The following TKT variants were observed in gnomAD, a reference collection of about 807,000 sequenced individuals.
The protein encoded by TKT is epididymis luminal protein 107.
Under a neutral mutation model 63.9 loss-of-function variants are expected in TKT, and 47 were observed. That is an observed-to-expected ratio of 0.74 (90% confidence interval 0.58 to 0.94). The LOEUF is 0.94. Ranked by LOEUF, TKT falls within the 40% of genes least tolerant of loss-of-function variation. The pLI, the probability that TKT is intolerant of heterozygous loss-of-function variation, is 0.00. For synonymous variants in TKT, 338 were observed against 334.1 expected, an observed-to-expected ratio of 1.01 and a Z score of -0.13; for missense variants, 721 against 846.2, an observed-to-expected ratio of 0.85 and a Z score of 1.84.
intron 13 of TKT, 152 bp from the exon 14 acceptor site, chr3:53,226,083 A>AT (rs748661882): frequency 6.4e-6 from 4 of 625,566 alleles, no homozygotes; most frequent in African/African-American, 1.9e-5. Flanking sequence ...TAACTCATTG[A>AT]TTTTTTTTAT....
At chr3:53,241,965 C>G in intron 2 of TKT, 160 bp downstream of exon 2, 1 of 683,032 alleles carries the variant, frequency 1.5e-6, no homozygotes, top group South Asian at 1.7e-5. Context: ...TGGGTCAGCA[C>G]AGAGCAGGAC....
At chr3:53,233,551 C>CTCTT in intron 5 of TKT, 1 of 336,428 alleles carries the variant, frequency 3.0e-6, no homozygotes. Context: ...CCTTTATTGT[C>CTCTT]TCTTTCATTC....
At chr3:53,235,294 G>T in intron 4 of TKT, 120 bp from the exon 5 acceptor site, 1 of 925,082 alleles carries the variant, frequency 1.1e-6, no homozygotes, top group Non-Finnish European at 1.5e-6. Flanking sequence ...TGGATATGCA[G>T]AACAGATGGC....
In TKT at chr3:53,229,089, C is replaced by G. The variant is rs140199324; in HGVS notation, c.1313G>C (p.Arg438Pro). The change falls in exon 10 of 14, where the codon CGG becomes CCG. Residue 438 changes from arginine (R) to proline (P), a missense_variant. Transcript: ENST00000462138. ...QMALEDLAMF[R>P]SVPTSTVFYP... is the part of the protein sequence containing the mutation. ...AAAGACAGTTGATGTGGGGACTGAC[C>G]GAAACATAGCCAGATCTTCTAGGGC... 6.2e-7 allele frequency: 1 copy of G among 1,614,128 alleles called. No individual in the cohort carries two copies. The highest frequency in any genetic ancestry group is 8.5e-7 in the Non-Finnish European group (1 of 1,180,014).
Position 53,225,878 on chromosome 3 carries a change from C to G in TKT, c.1750G>C (p.Val584Leu), listed in dbSNP as rs1553675368. The change falls in exon 14 of 14, where the codon GTC becomes CTC. Residue 584 changes from valine to leucine, a missense_variant. Coordinates refer to ENST00000462138, the MANE Select transcript of TKT (RefSeq NM_001064.4). ...SAVVGEPGITVTHLAVNRVPR... is the reference protein window; with the variant it reads ...SAVVGEPGITLTHLAVNRVPR... Reference sequence around the variant, plus strand: ...ACCCGGTTAACTGCCAGGTGGGTGACAGTGATGCCAGGCTCGCCCACTACT... The same window carrying G: ...ACCCGGTTAACTGCCAGGTGGGTGAGAGTGATGCCAGGCTCGCCCACTACT... The G allele has an allele frequency of 6.8e-6, 11 of 1,614,006 alleles. No homozygotes were observed. Among genetic ancestry groups the G allele is most frequent in the Non-Finnish European group, 8.5e-6 (10 of 1,180,008 alleles).
chr3:53,235,058 T>C lies in TKT; in HGVS notation c.554A>G (p.Asn185Ser), dbSNP rs375344024. The C allele has an allele frequency of 1.9e-5, 30 of 1,613,896 alleles. No homozygotes were observed. The highest frequency in any genetic ancestry group is 1.6e-4 in the Middle Eastern group (1 of 6,084). Residue 185 changes from asparagine to serine, a missense_variant, in exon 5 of 14, where the codon AAT becomes AGT. Asn to Ser is a conservative substitution (Grantham distance 46). Transcript: ENST00000462138. ...GGCCGGGTCACTCTGGCCCAGGCGA[T>C]TGATGTCTAGAATGGCCACAAGGTT... ...LDNLVAILDINRLGQSDPAPL... is the reference protein window; with the variant it reads ...LDNLVAILDISRLGQSDPAPL...
chr3:53,226,181 A>C, intron 13 of TKT: 1 of 416,474 alleles, frequency 2.4e-6, no homozygotes, highest in Admixed American at 4.0e-5. Context: ...CAGCCTCCCA[A>C]AGTGCTGGGA....
At chr3:53,241,360 T>C (rs1705267342) in intron 2 of TKT, 115 bp from the exon 3 acceptor site, 2 of 831,920 alleles carry the variant, frequency 2.4e-6, no homozygotes, top group Non-Finnish European at 3.6e-6. Context: ...GCAGCATCCA[T>C]TTCAGGGGAG....
intron 5 of TKT, chr3:53,233,965 G>A (rs532469197): frequency 1.3e-5 from 2 of 152,366 alleles, no homozygotes; most frequent in Admixed American, 1.3e-4. Flanking sequence ...AGTAAGTAAC[G>A]TGACCCACGC....
chr3:53,230,377 G>A, intron 8 of TKT, 80 bp downstream of exon 8: 3 of 1,580,448 alleles, frequency 1.9e-6, no homozygotes, highest in Admixed American at 3.4e-5. Context: ...ACCTGGCTCT[G>A]CCAACATGGC....
intron 1 of TKT, among the ~76,000 whole-genome samples, chr3:53,248,701 A>G (rs1281672257): frequency 6.6e-6 from 1 of 152,024 alleles, no homozygotes; most frequent in African/African-American, 2.4e-5. Flanking sequence ...AATTATGCTA[A>G]GAGGCCAGAC....
chr3:53,246,640 G>A (rs1318700248), intron 1 of TKT, among the ~76,000 whole-genome samples: 1 of 152,058 alleles, frequency 6.6e-6, no homozygotes, highest in Non-Finnish European at 1.5e-5. Flanking sequence ...ATCACCTGAG[G>A]TCATGAGTTT....
In TKT at chr3:53,241,250, C is replaced by T; in HGVS notation, c.226-5G>A. 13 of 1,595,294 alleles carry T rather than the reference C, an allele frequency of 8.1e-6. No homozygotes were observed. Among genetic ancestry groups the T allele is most frequent in the African/African-American group, 1.4e-5 (1 of 74,006 alleles). On this transcript the variant is annotated splice_region_variant and splice_polypyrimidine_tract_variant and intron_variant, in intron 2 of 13. Transcript: ENST00000462138. ...GAGGATGGGAGCTGCATGGCCCTGC[C>T]GGGAGATGGATGGTGGGGTGAGGTC... is the stretch of plus-strand genomic sequence containing the variant.
chr3:53,231,575 G>A, intron 6 of TKT, 25 bp from the exon 7 acceptor site: 4 of 1,605,250 alleles, frequency 2.5e-6, no homozygotes, highest in Non-Finnish European at 3.4e-6. Flanking sequence ...CGGGAGGACA[G>A]AGGAATGGGT....
intron 12 of TKT, chr3:53,227,609 G>A (rs983966662): frequency 8.6e-5 from 14 of 163,306 alleles, no homozygotes; most frequent in African/African-American, 2.9e-4. Flanking sequence ...CTGTGAGCTC[G>A]CAGTAATAAT....
chr3:53,231,528 C>A lies in TKT; in HGVS notation c.771G>T (p.Trp257Cys), dbSNP rs1553677079. ...GITGVEDKES[W>C]HGKPLPKNMA... ...TGTTTTTGGGGAGGGGCTTCCCATG[C>A]CAAGACTCCTTATCTTCTACCCCTG... is the stretch of plus-strand genomic sequence containing the variant. The change falls in exon 7 of 14, where the codon TGG becomes TGT. Residue 257 changes from tryptophan (W) to cysteine (C), a missense_variant. Trp to Cys is a radical substitution (Grantham distance 215). Transcript: ENST00000462138. 2.5e-6 allele frequency: 4 copies of A among 1,613,850 alleles called. No homozygotes were observed. The highest frequency in any genetic ancestry group is 3.3e-5 in the Admixed American group (2 of 59,984).
In TKT at chr3:53,255,819, CG is replaced by C. The variant is rs1559663670; in HGVS notation, c.107+16del. The C allele has an allele frequency of 6.8e-7, 1 of 1,475,154 alleles. No homozygotes were observed. The highest frequency in any genetic ancestry group is 2.3e-5 in the Admixed American group (1 of 43,870). 91.4% of individuals were successfully genotyped at this position (1,475,154 alleles called of 1,614,324 possible). A position where few individuals can be genotyped will look rare whatever the true frequency, so the allele number is the denominator to read the frequency against. On this transcript the variant is annotated intron_variant, in intron 1 of 13. Transcript: ENST00000462138. ...GCCCCGCCCGAGCCGCGTCCCCGGC[CG>C]GCGCCGCGCACTCACCCAGAGCCCG... is the stretch of plus-strand genomic sequence containing the variant.
At chr3:53,228,447 C>T (rs1277077522) in intron 10 of TKT, 88 bp from the exon 11 acceptor site, 2 of 1,461,476 alleles carry the variant, frequency 1.4e-6, no homozygotes, top group Non-Finnish European at 1.9e-6. Context: ...CATCCCTTCC[C>T]ATGGGAGCGT....
At chr3:53,231,211 G>T in intron 7 of TKT, 146 bp downstream of exon 7, 1 of 876,744 alleles carries the variant, frequency 1.1e-6, no homozygotes, top group Non-Finnish European at 1.7e-6. Context: ...TCTGAGGGAA[G>T]TGACAGGAAC....
Sources: gnomAD v4.1 joint callset for allele counts (sites outside exome capture counted in the v4.1 genomes callset) on GRCh38, gnomAD v4.1.1 for gene constraint, MANE v1.5 for transcripts, NCBI Gene and HGNC (gene_info 2026-07-23, HGNC 2026-07-21) for gene names.